KCNIP4: variants seen among roughly 807,000 people sequenced by gnomAD.
The protein encoded by KCNIP4 is Kv channel-interacting protein 4.
A neutral mutation model predicts 34.0 loss-of-function variants in KCNIP4; 12 were observed. That is an observed-to-expected ratio of 0.35 (90% CI 0.23 to 0.57). KCNIP4 has a LOEUF of 0.57. KCNIP4 is among the 20% of genes least tolerant of loss of function. The pLI, the probability that KCNIP4 is intolerant of heterozygous loss-of-function variation, is 0.83. For missense variants in KCNIP4, 238 were observed against 311.7 expected (o/e 0.76, Z 1.78); for synonymous variants, 124 against 102.2 (o/e 1.21, Z -1.29).
At chr4:21,398,825 A>G (rs1278714612) in intron 1 of KCNIP4, among the ~76,000 whole-genome samples, 1 of 152,102 alleles carries the variant, frequency 6.6e-6, no homozygotes, top group Non-Finnish European at 1.5e-5. Context: ...AGCGCTAGAG[A>G]ATTTTAGACT....
chr4:21,209,380 T>C (rs1277450832), intron 1 of KCNIP4, among the ~76,000 whole-genome samples: 3 of 152,004 alleles, frequency 2.0e-5, no homozygotes, highest in Non-Finnish European at 4.4e-5. Flanking sequence ...TTGTATCCTT[T>C]AGCAAATTTC....
At chr4:21,070,480 T>C (rs2108994908) in intron 1 of KCNIP4, among the ~76,000 whole-genome samples, 1 of 152,120 alleles carries the variant, frequency 6.6e-6, no homozygotes, top group Non-Finnish European at 1.5e-5. Flanking sequence ...ACTTTAGCTG[T>C]TCTAATAGGT....
intron 1 of KCNIP4, among the ~76,000 whole-genome samples, chr4:20,976,959 G>C (rs369456282): frequency 6.6e-6 from 1 of 151,880 alleles, no homozygotes; most frequent in Admixed American, 6.6e-5. Context: ...TCAGCCTCCC[G>C]AGTAGCTGGG....
chr4:20,949,760 A>G (rs963215322), intron 1 of KCNIP4, among the ~76,000 whole-genome samples: 1 of 151,554 alleles, frequency 6.6e-6, no homozygotes, highest in Non-Finnish European at 1.5e-5. Flanking sequence ...TCGCAATAAC[A>G]AAAAACCAAA....
At chr4:21,368,712 G>A (rs936755028) in intron 1 of KCNIP4, among the ~76,000 whole-genome samples, 1 of 147,432 alleles carries the variant, frequency 6.8e-6, no homozygotes, top group Non-Finnish European at 1.5e-5. Flanking sequence ...TCTTAGAGCA[G>A]AGGGGAGCCT....
chr4:21,174,067 C>T (rs1278663325), intron 1 of KCNIP4, among the ~76,000 whole-genome samples: 2 of 152,156 alleles, frequency 1.3e-5, no homozygotes, highest in Non-Finnish European at 1.5e-5. Context: ...CAGAAAATGT[C>T]AAATTGTTCC....
intron 1 of KCNIP4, among the ~76,000 whole-genome samples, chr4:20,970,192 C>T (rs902461228): frequency 1.1e-4 from 16 of 152,082 alleles, no homozygotes; most frequent in East Asian, 5.8e-4. Flanking sequence ...CCACCCACCT[C>T]GGCCTCCCAA....
chr4:20,732,522 T>G (rs983646179), intron 7 of KCNIP4, among the ~76,000 whole-genome samples, 159 bp downstream of exon 7: 1 of 152,208 alleles, frequency 6.6e-6, no homozygotes, highest in Non-Finnish European at 1.5e-5. Flanking sequence ...CATTGTAAAT[T>G]CAAAACCAAA....
chr4:20,977,476 A>C (rs1454225222), intron 1 of KCNIP4, among the ~76,000 whole-genome samples: 1 of 152,130 alleles, frequency 6.6e-6, no homozygotes, highest in Non-Finnish European at 1.5e-5. Context: ...TTTCCTGATG[A>C]TATTTGGCTG....
At chr4:20,751,429 C>G (rs186514639) in intron 4 of KCNIP4, among the ~76,000 whole-genome samples, 2 of 152,188 alleles carry the variant, frequency 1.3e-5, no homozygotes, top group East Asian at 1.9e-4. Context: ...TTTCAACTTG[C>G]AAAGTTGTTT....
intron 3 of KCNIP4, among the ~76,000 whole-genome samples, chr4:20,779,589 AC>A (rs1560459409): frequency 3.5e-4 from 2 of 5,760 alleles, no homozygotes; most frequent in African/African-American, 7.8e-4. Flanking sequence ...CCCCCCCCCC[AC>A]ACAAAAAAGA....
At chr4:21,550,199 C>T (rs1374688223) in intron 1 of KCNIP4, among the ~76,000 whole-genome samples, 3 of 152,066 alleles carry the variant, frequency 2.0e-5, no homozygotes, top group African/African-American at 7.2e-5. Context: ...AAGGTCAGGA[C>T]CAATCACAGA....
intron 1 of KCNIP4, among the ~76,000 whole-genome samples, chr4:21,386,500 C>T (rs892764507): frequency 2.6e-5 from 4 of 152,148 alleles, no homozygotes. Flanking sequence ...ATAATTTCCC[C>T]TGTTGTGATA....
At chr4:21,855,776 G>A (rs1254944922) in intron 1 of KCNIP4, 2 of 152,050 alleles carry the variant, frequency 1.3e-5, no homozygotes, top group Non-Finnish European at 2.9e-5. Context: ...AATCCATCTG[G>A]ACAGTCTGAA....
intron 1 of KCNIP4, among the ~76,000 whole-genome samples, chr4:21,416,634 A>G (rs181655521): frequency 5.4e-4 from 82 of 152,338 alleles, no homozygotes; most frequent in Admixed American, 1.4e-3. Flanking sequence ...AATTAAACAC[A>G]TTTCATTGTA....
intron 1 of KCNIP4, among the ~76,000 whole-genome samples, chr4:21,446,165 T>C (rs1405531228): frequency 6.6e-6 from 1 of 152,126 alleles, no homozygotes; most frequent in Non-Finnish European, 1.5e-5. Context: ...AACACTTTTA[T>C]GCTGTTGGTG....
chr4:20,862,062 C>G (rs1722264334), intron 2 of KCNIP4, among the ~76,000 whole-genome samples: 1 of 151,530 alleles, frequency 6.6e-6, no homozygotes, highest in South Asian at 2.1e-4. Context: ...GTGGTCTCAG[C>G]TCATTGCAAC....
At chr4:20,809,964 A>G (rs1321869149) in intron 3 of KCNIP4, among the ~76,000 whole-genome samples, 1 of 152,226 alleles carries the variant, frequency 6.6e-6, no homozygotes, top group African/African-American at 2.4e-5. Flanking sequence ...GCAGGTACTC[A>G]GAGGCAAAGT....
intron 1 of KCNIP4, among the ~76,000 whole-genome samples, chr4:21,674,003 G>A (rs906978184): frequency 1.3e-5 from 2 of 152,108 alleles, no homozygotes; most frequent in African/African-American, 4.8e-5. Context: ...TGCCTTGCAG[G>A]GAGTGTTTGA....
Sources: gnomAD v4.1 joint callset for allele counts (sites outside exome capture counted in the v4.1 genomes callset) on GRCh38, gnomAD v4.1.1 for gene constraint, MANE v1.5 for transcripts, NCBI Gene and HGNC (gene_info 2026-07-23, HGNC 2026-07-21) for gene names.